The following LRRC4C variants were observed in gnomAD, a reference collection of about 807,000 sequenced individuals.
The protein encoded by LRRC4C is leucine-rich repeat-containing protein 4C.
Under a neutral mutation model 33.6 loss-of-function variants are expected in LRRC4C, and 5 were observed. The ratio of observed to expected loss-of-function variants is 0.15; its 90% CI spans 0.08 to 0.31. LRRC4C has a LOEUF of 0.31. Among genes scored for constraint, LRRC4C ranks in the 10% least tolerant of loss-of-function variants. The pLI is 1.00. For missense variants in LRRC4C, 560 were observed against 796.7 expected (o/e 0.70, Z 3.58); for synonymous variants, 329 against 302.0 (o/e 1.09, Z -0.93).
At chr11:40,318,553 T>A (rs1335646438) in intron 4 of LRRC4C, among the ~76,000 whole-genome samples, 1 of 152,188 alleles carries the variant, frequency 6.6e-6, no homozygotes, top group African/African-American at 2.4e-5. Flanking sequence ...TTCAAGCTTA[T>A]GATTCCTTTT....
At chr11:41,298,619 T>C (rs1950205524) in intron 1 of LRRC4C, among the ~76,000 whole-genome samples, 1 of 152,086 alleles carries the variant, frequency 6.6e-6, no homozygotes, top group Non-Finnish European at 1.5e-5. Flanking sequence ...CACAAGAATA[T>C]ATATTTTTCT....
intron 2 of LRRC4C, among the ~76,000 whole-genome samples, chr11:40,883,006 A>T (rs1955260904): frequency 2.0e-5 from 3 of 152,010 alleles, no homozygotes; most frequent in African/African-American, 4.8e-5. Flanking sequence ...GAATGGTCTG[A>T]GGTATGGGGA....
chr11:40,654,973 T>C (rs932574437), intron 2 of LRRC4C, among the ~76,000 whole-genome samples: 1 of 152,176 alleles, frequency 6.6e-6, no homozygotes, highest in African/African-American at 2.4e-5. Flanking sequence ...TTCTCTCTCC[T>C]GCTGCCCTGT....
At chr11:40,642,053 TTTG>T (rs1942155994) in intron 3 of LRRC4C, among the ~76,000 whole-genome samples, 1 of 151,712 alleles carries the variant, frequency 6.6e-6, no homozygotes, top group African/African-American at 2.4e-5. Flanking sequence ...TTGTAATCAT[TTTG>T]TTTTTGCTTG....
intron 2 of LRRC4C, among the ~76,000 whole-genome samples, chr11:40,923,491 A>G (rs145935965): frequency 8.5e-5 from 13 of 152,310 alleles, no homozygotes; most frequent in African/African-American, 3.1e-4. Flanking sequence ...TTAACAGTCA[A>G]TGTGCAATTT....
At chr11:41,057,995 T>A (rs1858758431) in intron 1 of LRRC4C, among the ~76,000 whole-genome samples, 1 of 152,176 alleles carries the variant, frequency 6.6e-6, no homozygotes, top group Non-Finnish European at 1.5e-5. Context: ...CCCTTCATCT[T>A]GCTCACCCTC....
intron 2 of LRRC4C, among the ~76,000 whole-genome samples, chr11:40,767,866 G>GGTA: frequency 6.6e-6 from 1 of 151,638 alleles, no homozygotes; most frequent in Admixed American, 6.6e-5. Flanking sequence ...ACATCAACAA[G>GGTA]GTAGTAAAAC....
intron 1 of LRRC4C, among the ~76,000 whole-genome samples, chr11:40,959,941 C>A (rs552069335): frequency 6.6e-6 from 1 of 151,686 alleles, no homozygotes; most frequent in South Asian, 2.1e-4. Context: ...ATAAGGAATG[C>A]AAGTAATTGT....
intron 6 of LRRC4C, among the ~76,000 whole-genome samples, chr11:40,130,777 G>A (rs1280316254): frequency 2.0e-5 from 3 of 152,174 alleles, no homozygotes; most frequent in Non-Finnish European, 2.9e-5. Flanking sequence ...TCTTAATACA[G>A]TCTAGGCTGC....
At chr11:41,265,609 A>T (rs1949123499) in intron 1 of LRRC4C, among the ~76,000 whole-genome samples, 1 of 152,114 alleles carries the variant, frequency 6.6e-6, no homozygotes, top group Non-Finnish European at 1.5e-5. Context: ...CAGAAAGAAA[A>T]AGAGATGGGG....
chr11:41,428,658 T>C (rs534143959), intron 1 of LRRC4C, among the ~76,000 whole-genome samples: 2 of 152,270 alleles, frequency 1.3e-5, no homozygotes, highest in East Asian at 3.9e-4. Context: ...GTTGTCACCT[T>C]TGCTGGTTAG....
chr11:40,677,445 T>A (rs1338170709), intron 2 of LRRC4C, among the ~76,000 whole-genome samples: 1 of 152,134 alleles, frequency 6.6e-6, no homozygotes, highest in Non-Finnish European at 1.5e-5. Flanking sequence ...TATCCAATAA[T>A]AGACACATTT....
At chr11:41,282,892 C>G (rs1949716696) in intron 1 of LRRC4C, among the ~76,000 whole-genome samples, 1 of 152,018 alleles carries the variant, frequency 6.6e-6, no homozygotes, top group Non-Finnish European at 1.5e-5. Context: ...AAAGCAATAC[C>G]CAAGGAAACT....
At chr11:40,366,185 C>T (rs1289557062) in intron 3 of LRRC4C, among the ~76,000 whole-genome samples, 1 of 151,994 alleles carries the variant, frequency 6.6e-6, no homozygotes, top group African/African-American at 2.4e-5. Flanking sequence ...ACGGCTGTAC[C>T]AGAAACAGTG....
chr11:41,011,663 C>T (rs1208227051), intron 1 of LRRC4C, among the ~76,000 whole-genome samples: 4 of 151,662 alleles, frequency 2.6e-5, no homozygotes, highest in Non-Finnish European at 1.5e-5. Context: ...CTCCAAATTG[C>T]CCCCTGAGAC....
At chr11:41,454,950 T>C (rs1478421406) in intron 1 of LRRC4C, among the ~76,000 whole-genome samples, 1 of 152,124 alleles carries the variant, frequency 6.6e-6, no homozygotes, top group Non-Finnish European at 1.5e-5. Flanking sequence ...AAGTGCTTTA[T>C]ATAAAATTAT....
chr11:40,975,666 G>A (rs976388431), intron 1 of LRRC4C, among the ~76,000 whole-genome samples: 1 of 152,176 alleles, frequency 6.6e-6, no homozygotes, highest in African/African-American at 2.4e-5. Context: ...GTTCACAGAG[G>A]TGAACTCATT....
chr11:40,952,896 ACTCT>A (rs35019678), intron 1 of LRRC4C, among the ~76,000 whole-genome samples: 3,660 of 69,464 alleles, frequency 0.053, 57 homozygotes, highest in South Asian at 0.091. Flanking sequence ...ACACACACAC[ACTCT>A]CTCTCTCTCT....
chr11:40,164,692 G>C (rs1859439680), intron 5 of LRRC4C, among the ~76,000 whole-genome samples: 1 of 152,144 alleles, frequency 6.6e-6, no homozygotes, highest in African/African-American at 2.4e-5. Flanking sequence ...ATAGATACCA[G>C]AGGCAGGGAA....
Sources: allele counts gnomAD v4.1 joint callset (sites outside exome capture counted in the v4.1 genomes callset), GRCh38; gene constraint gnomAD v4.1.1; transcripts MANE v1.5; gene names NCBI Gene and HGNC (gene_info 2026-07-23, HGNC 2026-07-21).